The following RORA variants were observed in gnomAD, a reference collection of about 807,000 sequenced individuals.
RORA encodes nuclear receptor ROR-alpha.
A neutral mutation model predicts 69.5 loss-of-function variants in RORA; 7 were observed. The ratio of observed to expected loss-of-function variants is 0.10; its 90% CI spans 0.06 to 0.19. The LOEUF (loss-of-function observed/expected upper bound fraction) is 0.19, where lower values mean the gene tolerates loss of function less well. Ranked by LOEUF, RORA falls within the 10% of genes least tolerant of loss-of-function variation. The pLI is 1.00. For missense variants in RORA, 457 were observed against 663.0 expected (o/e 0.69, Z 3.41); for synonymous variants, 261 against 240.8 (o/e 1.08, Z -0.78).
At chr15:60,579,009 C>T (rs890086823) in intron 2 of RORA, among the ~76,000 whole-genome samples, 9 of 151,232 alleles carry the variant, frequency 6.0e-5, no homozygotes, top group Non-Finnish European at 7.4e-5. Flanking sequence ...GTGATCGATC[C>T]GCCTGCCTCG....
chr15:61,001,352 C>G (rs1293778032), intron 1 of RORA, among the ~76,000 whole-genome samples: 4 of 152,256 alleles, frequency 2.6e-5, no homozygotes, highest in Non-Finnish European at 5.9e-5. Flanking sequence ...ACAAAATAAT[C>G]TGCTTCCTGG....
chr15:60,844,363 A>G (rs2073238045), intron 1 of RORA, among the ~76,000 whole-genome samples: 2 of 152,180 alleles, frequency 1.3e-5, no homozygotes, highest in Non-Finnish European at 2.9e-5. Flanking sequence ...CTTAAGGAAA[A>G]CTTTGCTCCA....
intron 2 of RORA, among the ~76,000 whole-genome samples, chr15:60,617,698 G>GGA (rs752142916): frequency 8.0e-6 from 1 of 125,702 alleles, no homozygotes; most frequent in South Asian, 2.7e-4. Context: ...AGAGAAAGAG[G>GGA]GAGAGAGAGA....
At chr15:61,162,752 A>G (rs1239303491) in intron 1 of RORA, among the ~76,000 whole-genome samples, 2 of 152,210 alleles carry the variant, frequency 1.3e-5, no homozygotes, top group Admixed American at 6.5e-5. Flanking sequence ...TTCCCAACAC[A>G]CAATCCAATC....
At chr15:61,223,277 G>A (rs2080115832) in intron 1 of RORA, among the ~76,000 whole-genome samples, 1 of 129,528 alleles carries the variant, frequency 7.7e-6, no homozygotes, top group South Asian at 2.6e-4. Flanking sequence ...TCGTGCCACT[G>A]CACTCCAGCC....
At chr15:61,151,881 C>G (rs959025583) in intron 1 of RORA, among the ~76,000 whole-genome samples, 2 of 152,204 alleles carry the variant, frequency 1.3e-5, no homozygotes, top group African/African-American at 4.8e-5. Context: ...TGCCCTCCCT[C>G]TAGTTCCTGC....
chr15:60,935,645 T>C (rs1892498557), intron 1 of RORA, among the ~76,000 whole-genome samples: 1 of 152,230 alleles, frequency 6.6e-6, no homozygotes, highest in South Asian at 2.1e-4. Context: ...TTATTTATGT[T>C]TCCCGCCTTT....
chr15:60,925,044 A>G (rs1291559139), intron 1 of RORA, among the ~76,000 whole-genome samples: 1 of 152,032 alleles, frequency 6.6e-6, no homozygotes, highest in East Asian at 1.9e-4. Context: ...GGGTCACTGC[A>G]TTCCAGCCTG....
chr15:61,098,171 C>T (rs201636470), intron 1 of RORA, among the ~76,000 whole-genome samples: 2 of 127,454 alleles, frequency 1.6e-5, no homozygotes, highest in African/African-American at 3.0e-5. Flanking sequence ...CTTCCTTTCC[C>T]CCTTCCCTGC....
rs1419012097 is a variant in RORA, at chr15:60,678,646, G to C, written c.196+11C>G. ...AGAAAACTTTGGACAGAAAAAAAAT[G>C]CATTACTTACATGTATGTGTCTTCT... is the stretch of plus-strand genomic sequence containing the variant. On this transcript the variant is annotated intron_variant, in intron 2 of 10. Transcript: ENST00000335670. The C allele has an allele frequency of 6.2e-7, 1 of 1,605,052 alleles. No homozygotes were observed. The highest frequency in any genetic ancestry group is 1.7e-5 in the Admixed American group (1 of 59,952).
chr15:60,928,421 T>C (rs1328591719), intron 1 of RORA, among the ~76,000 whole-genome samples: 3 of 152,142 alleles, frequency 2.0e-5, no homozygotes, highest in Non-Finnish European at 4.4e-5. Flanking sequence ...GGCGGGAAGC[T>C]CGTGGAAGCC....
At chr15:60,596,695 C>G (rs1039051016) in intron 2 of RORA, among the ~76,000 whole-genome samples, 37 of 152,216 alleles carry the variant, frequency 2.4e-4, no homozygotes, top group African/African-American at 8.4e-4. Context: ...AGGAACTCTG[C>G]TGTTTATGAG....
intron 1 of RORA, among the ~76,000 whole-genome samples, chr15:61,218,972 C>G (rs1002147): frequency 0.18 from 27,197 of 152,108 alleles, 2,703 homozygotes; most frequent in African/African-American, 0.26. Context: ...CTGGCTGTGT[C>G]TAGCTCTGGT....
chr15:60,543,219 A>T, intron 2 of RORA, among the ~76,000 whole-genome samples: 1 of 116,684 alleles, frequency 8.6e-6, no homozygotes. Flanking sequence ...TTTTAAGGAA[A>T]AAGGAGAGAG....
chr15:60,500,949 G>A lies in RORA; in HGVS notation c.1294+10C>T. ...CGAAAACCATTTTTATTTTTATTTGGTTGTCTTACCTGCTGACATCAGTAC... is the reference window on the plus strand; with the variant it reads ...CGAAAACCATTTTTATTTTTATTTGATTGTCTTACCTGCTGACATCAGTAC... On this transcript the variant is annotated intron_variant, in intron 9 of 10. Transcript: ENST00000335670. 4.9e-6 allele frequency: 7 copies of A among 1,435,246 alleles called. No homozygotes were observed. The highest frequency in any genetic ancestry group is 6.8e-6 in the Non-Finnish European group (7 of 1,030,442). 88.9% of individuals were successfully genotyped at this position (1,435,246 alleles called of 1,614,324 possible).
chr15:60,726,887 A>G (rs1017868454), intron 1 of RORA, among the ~76,000 whole-genome samples: 1 of 152,240 alleles, frequency 6.6e-6, no homozygotes, highest in African/African-American at 2.4e-5. Context: ...CAAAAAGGCC[A>G]TTTAGGAGAG....
rs2065096081 is a variant in RORA at position 60,493,788 on chromosome 15, T to C, written c.*3667A>G. On this transcript the variant is annotated 3_prime_UTR_variant, in exon 11 of 11. Transcript: ENST00000335670. ...AATATTTATAGAAGGGTTAAAAAAA[T>C]AGAAGTCTCTCTAAAGTGGTCCAGA... The C allele has an allele frequency of 1.3e-5, 2 of 152,160 alleles. No homozygotes were observed. Among genetic ancestry groups the C allele is most frequent in the Non-Finnish European group, 1.5e-5 (1 of 68,028 alleles). The allele number at this position is 152,160 out of a possible 1,614,324, so 9.4% of individuals were successfully genotyped here. A position where few individuals can be genotyped will look rare whatever the true frequency, so the allele number is the denominator to read the frequency against.
chr15:60,506,895 G>A (rs1022531307), intron 5 of RORA, among the ~76,000 whole-genome samples: 9 of 152,044 alleles, frequency 5.9e-5, no homozygotes, highest in African/African-American at 2.2e-4. Flanking sequence ...GCTGAAGCAG[G>A]AGAATCGCTT....
intron 1 of RORA, among the ~76,000 whole-genome samples, chr15:60,893,364 C>A (rs1198458248): frequency 2.0e-5 from 3 of 152,174 alleles, no homozygotes; most frequent in African/African-American, 7.2e-5. Context: ...AGGCTGGGAG[C>A]CCTGGTTTTC....
Sources: gnomAD v4.1 joint callset for allele counts (sites outside exome capture counted in the v4.1 genomes callset) on GRCh38, gnomAD v4.1.1 for gene constraint, MANE v1.5 for transcripts, NCBI Gene and HGNC (gene_info 2026-07-23, HGNC 2026-07-21) for gene names.